Variants in PPARG observed in about 807,000 individuals in gnomAD.
The protein encoded by PPARG is peroxisome proliferator-activated receptor gamma.
In PPARG, 17 loss-of-function variants were observed where a neutral mutation model predicts 39.2. The observed-to-expected ratio is 0.43, with a 90% CI of 0.30 to 0.65. The LOEUF is 0.65. Ranked by LOEUF, PPARG falls within the 30% of genes least tolerant of loss-of-function variation. PPARG has a pLI of 0.13. For synonymous variants in PPARG, 223 were observed against 215.7 expected (o/e 1.03, Z -0.30); for missense variants, 406 against 585.9 (o/e 0.69, Z 3.17).
chr3:12,312,151 G>C (rs2047264315), intron 1 of PPARG, among the ~76,000 whole-genome samples: 3 of 152,204 alleles, frequency 2.0e-5, no homozygotes, highest in Admixed American at 2.0e-4. Flanking sequence ...ATTTTTAAAA[G>C]ATTCTCCAGC....
chr3:12,353,193 C>A (rs1347665491), intron 2 of PPARG, among the ~76,000 whole-genome samples: 1 of 152,082 alleles, frequency 6.6e-6, no homozygotes, highest in East Asian at 1.9e-4. Flanking sequence ...AAGAATGATC[C>A]AGTACTTTTC....
At chr3:12,351,215 A>T (rs2048476118) in intron 2 of PPARG, among the ~76,000 whole-genome samples, 1 of 152,256 alleles carries the variant, frequency 6.6e-6, no homozygotes, top group African/African-American at 2.4e-5. Context: ...GCAAGTGGAT[A>T]TTGAACAGTC....
intron 2 of PPARG, among the ~76,000 whole-genome samples, chr3:12,365,318 C>T (rs2048979768): frequency 1.3e-5 from 2 of 152,156 alleles, no homozygotes; most frequent in African/African-American, 4.8e-5. Context: ...TACATTCTCC[C>T]CATCTGTGGC....
At chr3:12,350,426 A>G (rs1246975718) in intron 2 of PPARG, among the ~76,000 whole-genome samples, 1 of 152,184 alleles carries the variant, frequency 6.6e-6, no homozygotes, top group East Asian at 1.9e-4. Flanking sequence ...GAGATTAACC[A>G]GATATATATT....
intron 5 of PPARG, among the ~76,000 whole-genome samples, chr3:12,402,531 G>A (rs184745203): frequency 1.1e-4 from 17 of 152,232 alleles, no homozygotes; most frequent in African/African-American, 3.9e-4. Flanking sequence ...TTATATTCGA[G>A]TAGAATAACT....
chr3:12,405,238 C>G (rs2125250808), intron 5 of PPARG, among the ~76,000 whole-genome samples: 1 of 152,312 alleles, frequency 6.6e-6, no homozygotes, highest in Admixed American at 6.5e-5. Context: ...CTTCCTCACC[C>G]TACAGGCAGC....
In PPARG at chr3:12,434,167, C is replaced by T. The variant is rs1457864904; in HGVS notation, c.*22C>T. The T allele has an allele frequency of 1.2e-6, 2 of 1,614,078 alleles. No individual in the cohort carries two copies. The highest frequency in any genetic ancestry group is 2.2e-5 in the East Asian group (1 of 44,884). ...CTAGCAGAGAGTCCTGAGCCACTGCCAACATTTCCCTTCTTCCAGTTGCAC... is the reference window on the plus strand; with the variant it reads ...CTAGCAGAGAGTCCTGAGCCACTGCTAACATTTCCCTTCTTCCAGTTGCAC... On this transcript the variant is annotated 3_prime_UTR_variant, in exon 8 of 8. Transcript: ENST00000651735. This position sits in a 1 kb window ranked among gnomAD's most constrained non-coding sequence, Gnocchi z 4.2.
intron 2 of PPARG, among the ~76,000 whole-genome samples, chr3:12,348,972 CA>C (rs1380382217): frequency 6.6e-6 from 1 of 152,168 alleles, no homozygotes; most frequent in African/African-American, 2.4e-5. Context: ...TAGGGATAGT[CA>C]CGTGCATGTC....
intron 2 of PPARG, among the ~76,000 whole-genome samples, chr3:12,316,229 A>G (rs2125007900): frequency 6.6e-6 from 1 of 152,366 alleles, no homozygotes; most frequent in Admixed American, 6.5e-5. Flanking sequence ...TCTAAATTCA[A>G]GCATTTTGAC....
At chr3:12,310,458 C>CTTTTTTTTTTT (rs1204347882) in intron 1 of PPARG, among the ~76,000 whole-genome samples, 1 of 69,912 alleles carries the variant, frequency 1.4e-5, no homozygotes, top group African/African-American at 5.1e-5. Context: ...TATTTGAGCC[C>CTTTTTTTTTTT]TTTTTTTTTT....
At chr3:12,322,249 C>T (rs1406176636) in intron 2 of PPARG, among the ~76,000 whole-genome samples, 1 of 152,198 alleles carries the variant, frequency 6.6e-6, no homozygotes, top group Non-Finnish European at 1.5e-5. Flanking sequence ...GCGTTTGAAG[C>T]AGGGCTTCTA....
intron 7 of PPARG, among the ~76,000 whole-genome samples, chr3:12,420,566 G>A (rs748745355): frequency 6.6e-6 from 1 of 152,230 alleles, no homozygotes; most frequent in Non-Finnish European, 1.5e-5. Context: ...CTTCAGCAAA[G>A]GCTCTTAGGG....
chr3:12,338,860 A>G (rs1166647476), intron 2 of PPARG, among the ~76,000 whole-genome samples: 1 of 152,230 alleles, frequency 6.6e-6, no homozygotes, highest in African/African-American at 2.4e-5. Context: ...GATATTGGGC[A>G]CCAGTGAAAT....
At chr3:12,300,272 A>C (rs923330433) in intron 1 of PPARG, among the ~76,000 whole-genome samples, 7 of 152,222 alleles carry the variant, frequency 4.6e-5, no homozygotes, top group Admixed American at 4.6e-4. Flanking sequence ...ACCTATGAAC[A>C]TGACCTTATA....
At chr3:12,351,801 T>C (rs1164407916) in intron 2 of PPARG, 7 of 763,866 alleles carry the variant, frequency 9.2e-6, no homozygotes, top group Admixed American at 2.0e-5. Flanking sequence ...TCCAGTATTT[T>C]AATGCTTAGC....
At chr3:12,369,770 T>C (rs1370086223) in intron 2 of PPARG, among the ~76,000 whole-genome samples, 6 of 152,246 alleles carry the variant, frequency 3.9e-5, no homozygotes, top group African/African-American at 1.4e-4. Flanking sequence ...CTTAGCTATT[T>C]ACTTTTCTGG....
chr3:12,344,484 G>T (rs1217595033), intron 2 of PPARG, among the ~76,000 whole-genome samples: 1 of 152,118 alleles, frequency 6.6e-6, no homozygotes, highest in Admixed American at 6.5e-5. Context: ...GTTGCCTGTG[G>T]TTTAATTGCC....
intron 7 of PPARG, among the ~76,000 whole-genome samples, chr3:12,430,765 G>A (rs1446172925): frequency 6.6e-6 from 1 of 152,126 alleles, no homozygotes; most frequent in Non-Finnish European, 1.5e-5. Flanking sequence ...ATTTCAGGAT[G>A]GAATCCCACC....
At chr3:12,414,368 G>A (rs1399687209) in intron 6 of PPARG, among the ~76,000 whole-genome samples, 4 of 152,066 alleles carry the variant, frequency 2.6e-5, no homozygotes, top group Non-Finnish European at 5.9e-5. Context: ...ATCCTAGCAC[G>A]CACTTAGGGA....
Sources: gnomAD v4.1 joint callset for allele counts (sites outside exome capture counted in the v4.1 genomes callset) on GRCh38, gnomAD v4.1.1 for gene constraint, Gnocchi (gnomAD v3.1) non-coding constraint, MANE v1.5 for transcripts, NCBI Gene and HGNC (gene_info 2026-07-23, HGNC 2026-07-21) for gene names.